AGBL4: variants seen among roughly 807,000 people sequenced by gnomAD.
AGBL4 encodes the protein cytosolic carboxypeptidase 6.
Under a neutral mutation model 66.4 loss-of-function variants are expected in AGBL4, and 58 were observed. The observed-to-expected ratio is 0.87, with a 90% CI of 0.71 to 1.09. The LOEUF (loss-of-function observed/expected upper bound fraction) is 1.09. Ranked by LOEUF, AGBL4 falls within the 50% of genes least tolerant of loss-of-function variation. AGBL4 has a pLI of 0.00. For synonymous variants in AGBL4, 234 were observed against 222.9 expected (o/e 1.05, Z -0.44); for missense variants, 579 against 631.0 (o/e 0.92, Z 0.88).
At chr1:48,717,529 T>C (rs1187129155) in intron 6 of AGBL4, among the ~76,000 whole-genome samples, 1 of 152,224 alleles carries the variant, frequency 6.6e-6, no homozygotes, top group African/African-American at 2.4e-5. Context: ...TGTGCGTGTG[T>C]GTGTGCGCGC....
intron 9 of AGBL4, among the ~76,000 whole-genome samples, chr1:48,600,683 G>T (rs572927619): frequency 1.3e-5 from 2 of 152,318 alleles, no homozygotes; most frequent in African/African-American, 4.8e-5. Flanking sequence ...CTGACCTGGG[G>T]CTAAGCTCTA....
intron 6 of AGBL4, among the ~76,000 whole-genome samples, chr1:48,730,847 G>A (rs1197987817): frequency 6.6e-6 from 1 of 152,130 alleles, no homozygotes; most frequent in African/African-American, 2.4e-5. Flanking sequence ...GCAATGCTGA[G>A]GCTCATTTAG....
chr1:49,759,595 G>C (rs1382435930), intron 2 of AGBL4, among the ~76,000 whole-genome samples: 1 of 152,162 alleles, frequency 6.6e-6, no homozygotes, highest in Non-Finnish European at 1.5e-5. Context: ...ATGTACAATA[G>C]TATGTAAAAC....
chr1:48,756,752 G>A (rs1372690761), intron 6 of AGBL4, among the ~76,000 whole-genome samples: 1 of 152,216 alleles, frequency 6.6e-6, no homozygotes. Flanking sequence ...AGACTTTTAA[G>A]CTTTCACTGA....
At chr1:48,909,088 C>A (rs543648907) in intron 5 of AGBL4, among the ~76,000 whole-genome samples, 1 of 152,228 alleles carries the variant, frequency 6.6e-6, no homozygotes, top group African/African-American at 2.4e-5. Context: ...CTTCCAGTCC[C>A]TTTACATTTG....
At chr1:49,604,836 T>C (rs184822918) in intron 3 of AGBL4, among the ~76,000 whole-genome samples, 1 of 152,258 alleles carries the variant, frequency 6.6e-6, no homozygotes, top group Non-Finnish European at 1.5e-5. Context: ...TCAGGCATAA[T>C]ATGTTACACC....
chr1:49,948,329 CATATATAAATATATAAAT>C (rs1201503507), intron 1 of AGBL4, among the ~76,000 whole-genome samples: 8 of 75,314 alleles, frequency 1.1e-4, no homozygotes, highest in African/African-American at 1.7e-4. Flanking sequence ...AATATATAAA[CATATATAAATATATAAAT>C]ATATATAAAT....
chr1:49,396,223 C>A (rs967558392), intron 3 of AGBL4, among the ~76,000 whole-genome samples: 3 of 151,758 alleles, frequency 2.0e-5, no homozygotes, highest in African/African-American at 7.3e-5. Flanking sequence ...AATGTGTGTG[C>A]CCCACACTTC....
chr1:49,803,499 T>G (rs1282042007), intron 2 of AGBL4, among the ~76,000 whole-genome samples: 1 of 152,222 alleles, frequency 6.6e-6, no homozygotes, highest in East Asian at 1.9e-4. Flanking sequence ...CTGTGACATT[T>G]AATGAATGCA....
rs190667654 is a variant in AGBL4, at chr1:49,815,352, T to C, written c.157+36044A>G. On this transcript the variant is annotated intron_variant, in intron 2 of 13. Coordinates refer to ENST00000371839, the MANE Select transcript of AGBL4 (RefSeq NM_032785.4). ...TGTTGTTGCAAATGACAGGATCTCA[T>C]TCTTTTTATGGGTGAATAGTACTCC... Among the ~76,000 whole-genome samples the C allele has an allele frequency of 1.9e-4, 29 of 152,312 alleles. No individual in the cohort carries two copies. In the East Asian group the frequency reaches 5.4e-3, roughly 28 times the overall value.
chr1:49,372,429 A>G (rs186009609), intron 3 of AGBL4, among the ~76,000 whole-genome samples: 1 of 152,180 alleles, frequency 6.6e-6, no homozygotes, highest in African/African-American at 2.4e-5. Flanking sequence ...TTATCTTTTC[A>G]AATTCCTTTC....
At chr1:49,619,230 A>T (rs1471912873) in intron 3 of AGBL4, among the ~76,000 whole-genome samples, 1 of 152,226 alleles carries the variant, frequency 6.6e-6, no homozygotes, top group Non-Finnish European at 1.5e-5. Flanking sequence ...CCATCGTCTC[A>T]GCCAAAAATC....
chr1:49,393,142 T>C (rs1644885177), intron 3 of AGBL4, among the ~76,000 whole-genome samples: 2 of 152,316 alleles, frequency 1.3e-5, no homozygotes, highest in South Asian at 4.1e-4. Context: ...GCTTGACACA[T>C]AGTAGGCACT....
intron 4 of AGBL4, among the ~76,000 whole-genome samples, chr1:49,064,997 G>T (rs1171230680): frequency 6.6e-6 from 1 of 152,022 alleles, no homozygotes; most frequent in African/African-American, 2.4e-5. Context: ...TAAATCAAAG[G>T]CCAGGAAGAA....
chr1:48,856,776 T>C (rs1647167977), intron 6 of AGBL4, among the ~76,000 whole-genome samples: 1 of 152,200 alleles, frequency 6.6e-6, no homozygotes, highest in South Asian at 2.1e-4. Flanking sequence ...TGTGATTTTT[T>C]TCTGGAAGTT....
chr1:49,115,570 T>C (rs1202650777), intron 4 of AGBL4, among the ~76,000 whole-genome samples: 1 of 152,098 alleles, frequency 6.6e-6, no homozygotes, highest in Non-Finnish European at 1.5e-5. Flanking sequence ...CGTGTACATA[T>C]GCATGTGTGT....
At chr1:49,378,065 C>A (rs1223745916) in intron 3 of AGBL4, among the ~76,000 whole-genome samples, 1 of 148,470 alleles carries the variant, frequency 6.7e-6, no homozygotes, top group Non-Finnish European at 1.5e-5. Flanking sequence ...CCAACACAAA[C>A]TTCATGCCTT....
intron 4 of AGBL4, among the ~76,000 whole-genome samples, chr1:49,191,282 C>G (rs529975430): frequency 6.6e-6 from 1 of 152,310 alleles, no homozygotes; most frequent in Non-Finnish European, 1.5e-5. Context: ...ATTCTCCCAC[C>G]ACACCGTGTA....
intron 6 of AGBL4, among the ~76,000 whole-genome samples, chr1:48,696,015 A>G (rs1016187123): frequency 6.6e-6 from 1 of 152,188 alleles, no homozygotes; most frequent in African/African-American, 2.4e-5. Flanking sequence ...CATTAGGAGC[A>G]GAAGCCCGCC....
Sources: gnomAD v4.1 joint callset for allele counts (sites outside exome capture counted in the v4.1 genomes callset) on GRCh38, gnomAD v4.1.1 for gene constraint, MANE v1.5 for transcripts, NCBI Gene and HGNC (gene_info 2026-07-23, HGNC 2026-07-21) for gene names.